The following HTN1 variants were observed in gnomAD, a reference collection of about 807,000 sequenced individuals.
HTN1 encodes the protein histatin-1.
HTN1 carries 18 observed loss-of-function variants against 11.2 expected under a neutral mutation model. The ratio of observed to expected loss-of-function variants is 1.61; its 90% CI spans 1.12 to 2.39. The LOEUF (loss-of-function observed/expected upper bound fraction) is 2.39. Ranked by LOEUF, HTN1 falls within the 30% of genes most tolerant of loss-of-function variation. HTN1 has a pLI of 0.00. For missense variants in HTN1, 80 were observed against 67.2 expected (o/e 1.19, Z -0.67); for synonymous variants, 21 against 20.5 (o/e 1.02, Z -0.07).
intron 4 of HTN1, among the ~76,000 whole-genome samples, chr4:70,054,689 G>T (rs1725989078): frequency 6.6e-6 from 1 of 151,996 alleles, no homozygotes; most frequent in South Asian, 2.1e-4. Context: ...TATTCTCTGA[G>T]AACTTATCTT....
intron 1 of HTN1, among the ~76,000 whole-genome samples, chr4:70,051,003 G>A (rs962449649): frequency 2.0e-5 from 3 of 152,016 alleles, no homozygotes; most frequent in Admixed American, 6.6e-5. Context: ...CAATCATCAC[G>A]CAAAGTAAAT....
chr4:70,058,446 A>G (rs546950254), intron 5 of HTN1, 134 bp from the exon 6 acceptor site: 24 of 152,154 alleles, frequency 1.6e-4, no homozygotes, highest in African/African-American at 5.8e-4. Context: ...ACTCTATATC[A>G]AATAGTATTT....
chr4:70,054,677 A>G (rs1725988757), intron 4 of HTN1, among the ~76,000 whole-genome samples: 1 of 152,064 alleles, frequency 6.6e-6, no homozygotes, highest in Non-Finnish European at 1.5e-5. Context: ...TCAATTGTCA[A>G]TTATTCTCTG....
rs1199415051 is a variant in HTN1 at position 70,058,743 on chromosome 4, T to C, written c.*197T>C. On this transcript the variant is annotated 3_prime_UTR_variant, in exon 6 of 6. Coordinates refer to ENST00000246896, the MANE Select transcript of HTN1 (RefSeq NM_002159.4). ...TGATACTTCCCTTCCTAATTATCAT[T>C]TGATTAGATACTTGCAATTTAAACT... 7 of 152,172 alleles carry C rather than the reference T, an allele frequency of 4.6e-5. No individual in the cohort carries two copies. Among genetic ancestry groups the C allele is most frequent in the Admixed American group, 2.6e-4 (4 of 15,274 alleles). The allele number at this position is 152,172 out of a possible 1,614,324, so 9.4% of individuals were successfully genotyped here. A position where few individuals can be genotyped will look rare whatever the true frequency, so the allele number is the denominator to read the frequency against.
chr4:70,058,353 A>G (rs1423169766), intron 5 of HTN1: 5 of 152,154 alleles, frequency 3.3e-5, no homozygotes, highest in Non-Finnish European at 5.9e-5. Flanking sequence ...GGAAAACCTC[A>G]AGAAAAATTT....
chr4:70,051,779 C>T (rs957026040), intron 1 of HTN1, among the ~76,000 whole-genome samples: 1 of 151,944 alleles, frequency 6.6e-6, no homozygotes, highest in Non-Finnish European at 1.5e-5. Flanking sequence ...AGATGTAGGG[C>T]TGTTTAAGAG....
In HTN1 at chr4:70,054,342, G is replaced by T; in HGVS notation, c.72G>T (p.Lys24Asn). The T allele has an allele frequency of 1.3e-6, 2 of 1,527,212 alleles. No individual in the cohort carries two copies. Among genetic ancestry groups the T allele is most frequent in the South Asian group, 2.5e-5 (2 of 80,788 alleles). The allele number at this position is 1,527,212 out of a possible 1,614,324, so 94.6% of individuals were successfully genotyped here. A position where few individuals can be genotyped will look rare whatever the true frequency, so the allele number is the denominator to read the frequency against. ...CCAAGAGCGCTGATTCACATGAAAA[G>T]GTAAGACATTTTCATTTACGGGAAA... ...ISMISADSHE[K>N]RHHGYRRKFH... The change falls in exon 3 of 6, where the codon AAG becomes AAT. Residue 24 changes from lysine to asparagine, a missense_variant and splice_region_variant. Lys to Asn is a moderately conservative substitution (Grantham distance 94). Coordinates refer to ENST00000246896, the MANE Select transcript of HTN1 (RefSeq NM_002159.4).
chr4:70,054,682 T>C (rs1030466542), intron 4 of HTN1, among the ~76,000 whole-genome samples: 2 of 152,060 alleles, frequency 1.3e-5, no homozygotes, highest in Admixed American at 6.6e-5. Flanking sequence ...TGTCAATTAT[T>C]CTCTGAGAAC....
chr4:70,056,399 A>G (rs1055717838), intron 5 of HTN1: 1 of 152,186 alleles, frequency 6.6e-6, no homozygotes, highest in Admixed American at 6.6e-5. Context: ...AAGACAGATT[A>G]AAAACTTAAA....
chr4:70,057,183 A>T (rs1200043768), intron 5 of HTN1: 1 of 152,252 alleles, frequency 6.6e-6, no homozygotes, highest in Non-Finnish European at 1.5e-5. Flanking sequence ...TGGTACATAT[A>T]CACCATGGAG....
At position 70,055,604 on chromosome 4, in the gene HTN1, T is replaced by C. The variant is rs377686351; in HGVS notation, c.*33+2T>C. On this transcript the variant is annotated splice_donor_variant, in intron 5 of 5. Transcript: ENST00000246896. LOFTEE classifies it low-confidence loss of function (3UTR_SPLICE). ...TAATCATGGGGCATGATTATAGAGGTAAGCTGACTCTAGTTGCTTGTCTTT... is the reference window on the plus strand; with the variant it reads ...TAATCATGGGGCATGATTATAGAGGCAAGCTGACTCTAGTTGCTTGTCTTT... 5.9e-4 allele frequency: 772 copies of C among 1,298,848 alleles called. 9 individuals carry two copies. In the South Asian group the frequency reaches 8.4e-3, roughly 14 times the overall value. The allele number at this position is 1,298,848 out of a possible 1,614,324, so 80.5% of individuals were successfully genotyped here. A position where few individuals can be genotyped will look rare whatever the true frequency, so the allele number is the denominator to read the frequency against.
rs1469767091 is a variant in HTN1 at position 70,058,672 on chromosome 4, A to G, written c.*126A>G. 6.6e-6 allele frequency: 1 copy of G among 152,174 alleles called. No individual in the cohort carries two copies. Among genetic ancestry groups the G allele is most frequent in the Non-Finnish European group, 1.5e-5 (1 of 68,006 alleles). The allele number at this position is 152,174 out of a possible 1,614,324, so 9.4% of individuals were successfully genotyped here. On this transcript the variant is annotated 3_prime_UTR_variant, in exon 6 of 6. Transcript: ENST00000246896. ...CTTTTTGAAGAATTATCATAAGGCAATGGAGAATAAAAGAAAGACCATGAT... is the reference window on the plus strand; with the variant it reads ...CTTTTTGAAGAATTATCATAAGGCAGTGGAGAATAAAAGAAAGACCATGAT...
At chr4:70,057,058 A>G (rs1302273759) in intron 5 of HTN1, 1 of 152,220 alleles carries the variant, frequency 6.6e-6, no homozygotes, top group African/African-American at 2.4e-5. Context: ...AGGAACGTAA[A>G]TCATTCTACT....
At chr4:70,054,097 T>C (rs572290411) in intron 2 of HTN1, among the ~76,000 whole-genome samples, 1 of 152,036 alleles carries the variant, frequency 6.6e-6, no homozygotes, top group Non-Finnish European at 1.5e-5. Context: ...AAAAGATATA[T>C]AAACCAAAAT....
intron 4 of HTN1, among the ~76,000 whole-genome samples, chr4:70,054,986 G>A (rs1725996209): frequency 6.6e-6 from 1 of 151,912 alleles, no homozygotes; most frequent in Non-Finnish European, 1.5e-5. Flanking sequence ...TACTAACATA[G>A]CAAGTATACA....
At chr4:70,053,827 C>G (rs779326540) in intron 2 of HTN1, among the ~76,000 whole-genome samples, 5 of 151,972 alleles carry the variant, frequency 3.3e-5, no homozygotes. Flanking sequence ...CCACTAAATT[C>G]TAATGAATGT....
At chr4:70,056,951 G>T (rs1164663520) in intron 5 of HTN1, 1 of 152,196 alleles carries the variant, frequency 6.6e-6, no homozygotes, top group Non-Finnish European at 1.5e-5. Context: ...ATGTAAATTA[G>T]TTCAACCATT....
chr4:70,055,734 T>C, intron 5 of HTN1, 132 bp downstream of exon 5: 1 of 562,296 alleles, frequency 1.8e-6, no homozygotes, highest in South Asian at 2.2e-5. Context: ...TATTCATTTG[T>C]ATAAATGCTT....
intron 4 of HTN1, among the ~76,000 whole-genome samples, chr4:70,055,000 T>A (rs187942406): frequency 2.0e-5 from 3 of 152,152 alleles, no homozygotes; most frequent in African/African-American, 7.2e-5. Flanking sequence ...GTATACATGT[T>A]AAAAAAGCAC....
Sources: gnomAD v4.1 joint callset for allele counts (sites outside exome capture counted in the v4.1 genomes callset) on GRCh38, gnomAD v4.1.1 for gene constraint, MANE v1.5 for transcripts, NCBI Gene and HGNC (gene_info 2026-07-23, HGNC 2026-07-21) for gene names.